Variants in DYNC2I2 observed in about 807,000 individuals in gnomAD.
The protein encoded by DYNC2I2 is dynein 2 intermediate chain 2, also known as cytoplasmic dynein 2 intermediate chain 2.
Under a neutral mutation model 52.0 loss-of-function variants are expected in DYNC2I2, and 39 were observed. The observed-to-expected ratio is 0.75, with a 90% CI of 0.58 to 0.98. The LOEUF is 0.98. Among genes scored for constraint, DYNC2I2 ranks in the 50% least tolerant of loss-of-function variants. The pLI is 0.00. For missense variants in DYNC2I2, 743 were observed against 728.4 expected (o/e 1.02, Z -0.23); for synonymous variants, 359 against 321.1 (o/e 1.12, Z -1.26).
chr9:128,680,660 A>G, the DYNC2I2 span, among the ~76,000 whole-genome samples: 1 of 150,038 alleles, frequency 6.7e-6, no homozygotes, highest in Admixed American at 6.7e-5. Context: ...TACAGGTGTG[A>G]GCCACCGTGC....
upstream of DYNC2I2, among the ~76,000 whole-genome samples, chr9:128,661,385 G>A (rs1274531160): frequency 3.3e-5 from 5 of 150,146 alleles, no homozygotes; most frequent in South Asian, 2.1e-4. Flanking sequence ...TTGGGAGGCC[G>A]AGGTGGGCAG....
At chr9:128,674,019 G>A in the DYNC2I2 span, among the ~76,000 whole-genome samples, 3 of 151,150 alleles carry the variant, frequency 2.0e-5, no homozygotes, top group South Asian at 6.3e-4. Flanking sequence ...TGTTGGTCAG[G>A]CTGGTCTCTA....
At chr9:128,664,698 T>A in the DYNC2I2 span, among the ~76,000 whole-genome samples, 1 of 151,872 alleles carries the variant, frequency 6.6e-6, no homozygotes, top group East Asian at 2.0e-4. Context: ...TTGGCCAGGC[T>A]GGTCACGAAC....
chr9:128,640,596 A>T, intron 2 of DYNC2I2, 95 bp downstream of exon 2: 1 of 1,527,922 alleles, frequency 6.5e-7, no homozygotes, highest in Non-Finnish European at 8.8e-7. Flanking sequence ...GGCCGTGATG[A>T]TGACTGGCAC....
intron 1 of DYNC2I2, among the ~76,000 whole-genome samples, chr9:128,649,688 CAAA>C (rs34154610): frequency 2.1e-5 from 1 of 47,234 alleles, no homozygotes; most frequent in African/African-American, 1.4e-4. Context: ...GACTCCATCT[CAAA>C]AAAAAAAAAA....
rs374918412 is a variant in DYNC2I2 at position 128,650,488 on chromosome 9, T to C, written c.186+6053A>G. On this transcript the variant is annotated intron_variant, in intron 1 of 8. Coordinates refer to ENST00000372715, the MANE Select transcript of DYNC2I2 (RefSeq NM_052844.4). ...CCAGGACACTGTCCCTCTAAACAGA[T>C]AGGGACGTGGCAAGAAAAGTCAAGT... Among the ~76,000 whole-genome samples, 5 of 50,922 alleles carry C rather than the reference T, an allele frequency of 9.8e-5. 2 individuals are homozygous for C. In the East Asian group the frequency reaches 1.2e-3, roughly 12 times the overall value. The allele number at this position is 50,922 out of a possible 152,430, so 33.4% of individuals were successfully genotyped here.
At chr9:128,636,527 C>T in intron 3 of DYNC2I2, 89 bp from the exon 4 acceptor site, 14 of 1,413,748 alleles carry the variant, frequency 9.9e-6, no homozygotes, top group Non-Finnish European at 1.3e-5. Context: ...CCCGGACACA[C>T]TCGCTGTGTC....
At position 128,640,846 on chromosome 9, in the gene DYNC2I2, G is replaced by T; in HGVS notation, c.280C>A (p.Pro94Thr). The change falls in exon 2 of 9, where the codon CCT (proline) becomes ACT (threonine). Residue 94 changes from proline (P) to threonine (T), a missense_variant. By Grantham distance (38) the Pro-to-Thr change is conservative (BLOSUM62 -1). Coordinates refer to ENST00000372715, the MANE Select transcript of DYNC2I2 (RefSeq NM_052844.4). The part of the protein sequence containing the change: ...DAQVQTEAPV[P>T]VSVQPPSQYD... ...TGGGACGGGGGCTGCACGCTGACAG[G>T]CACGGGGGCCTCCGTCTGCACCTGG... 6.2e-7 allele frequency: 1 copy of T among 1,613,916 alleles called. No individual in the cohort carries two copies.
the DYNC2I2 span, among the ~76,000 whole-genome samples, chr9:128,664,018 C>T: frequency 9.5e-5 from 13 of 137,338 alleles, no homozygotes; most frequent in Admixed American, 8.2e-4. Context: ...AGTGCAATGG[C>T]GTGGTCTTGG....
rs1564336475 is a variant in DYNC2I2 at position 128,633,895 on chromosome 9, C to CAGT, written c.1457_1459dup (p.Tyr486dup). On this transcript the variant is annotated inframe_insertion, in exon 9 of 9. Transcript: ENST00000372715. ...AGTCTGCTGGCTGTTGAACTCCAGA[C>CAGT]AGTAGACAGGGCTTTCATCCTGGGT... 1 of 1,613,438 alleles carries CAGT rather than the reference C, an allele frequency of 6.2e-7. No individual in the cohort carries two copies. The highest frequency in any genetic ancestry group is 8.5e-7 in the Non-Finnish European group (1 of 1,180,040).
At chr9:128,640,665 C>A in intron 2 of DYNC2I2, 26 bp downstream of exon 2, 4 of 1,603,922 alleles carry the variant, frequency 2.5e-6, no homozygotes, top group Admixed American at 1.7e-5. Context: ...GGGCTCGACC[C>A]GAGGCTGCAC....
the DYNC2I2 span, among the ~76,000 whole-genome samples, chr9:128,676,147 G>A: frequency 6.6e-6 from 1 of 151,872 alleles, no homozygotes; most frequent in East Asian, 1.9e-4. Flanking sequence ...CAGCCTGGAT[G>A]ATAAACCAAG....
chr9:128,680,513 G>A, the DYNC2I2 span, among the ~76,000 whole-genome samples: 2 of 151,764 alleles, frequency 1.3e-5, no homozygotes, highest in African/African-American at 2.4e-5. Flanking sequence ...GAGTAGCTGG[G>A]ACTACAGGCG....
rs1441974931 is a variant in DYNC2I2 at position 128,636,403 on chromosome 9, A to T, written c.581T>A (p.Phe194Tyr). The T allele has an allele frequency of 1.2e-6, 2 of 1,610,012 alleles. No homozygotes were observed. The highest frequency in any genetic ancestry group is 3.3e-5 in the Admixed American group (2 of 59,802). The change falls in exon 4 of 9, where the codon TTC (phenylalanine) becomes TAC (tyrosine). Residue 194 changes from phenylalanine to tyrosine, a missense_variant. Coordinates refer to ENST00000372715, the MANE Select transcript of DYNC2I2 (RefSeq NM_052844.4). ...CCGGTCCAGGTTCCAGGCACACACG[A>T]AGGACTTAAGCGTGCTCCAGTCCCC... The part of the protein sequence containing the change: ...DHGDWSTLKS[F>Y]VCAWNLDRRD...
chr9:128,636,098 C>T (rs1391151345), intron 4 of DYNC2I2, 183 bp downstream of exon 4: 2 of 979,852 alleles, frequency 2.0e-6, no homozygotes, highest in South Asian at 1.4e-5. Context: ...CTTCCAGACT[C>T]CTCCCCCGAG....
At chr9:128,681,943 G>A in the DYNC2I2 span, among the ~76,000 whole-genome samples, 11 of 152,182 alleles carry the variant, frequency 7.2e-5, no homozygotes, top group Admixed American at 5.9e-4. Flanking sequence ...CCTAGTGGCG[G>A]TGCCTGTAAC....
intron 1 of DYNC2I2, among the ~76,000 whole-genome samples, chr9:128,642,393 T>C (rs1409192744): frequency 1.4e-5 from 2 of 142,418 alleles, no homozygotes; most frequent in African/African-American, 5.3e-5. Flanking sequence ...GAGGCGGAGG[T>C]TGCACTGAGC....
intron 2 of DYNC2I2, 137 bp from the exon 3 acceptor site, chr9:128,637,164 T>G: frequency 1.6e-6 from 1 of 620,874 alleles, no homozygotes; most frequent in Non-Finnish European, 2.9e-6. Flanking sequence ...GAGGAAAATG[T>G]GGCACGTTCA....
rs750708075 is a variant in DYNC2I2, at chr9:128,636,410, TA to T, written c.573del (p.Lys192SerfsTer56). 3.1e-6 allele frequency: 5 copies of T among 1,609,234 alleles called. No individual in the cohort carries two copies. The highest frequency in any genetic ancestry group is 4.2e-6 in the Non-Finnish European group (5 of 1,178,932). The stretch of plus-strand genomic sequence containing the variant: ...AGGTTCCAGGCACACACGAAGGACT[TA>T]AGCGTGCTCCAGTCCCCATGGTCCA... ...GRLDHGDWST[L>X]KSFVCAWNLD... On this transcript the variant is annotated frameshift_variant, in exon 4 of 9. Coordinates refer to ENST00000372715, the MANE Select transcript of DYNC2I2 (RefSeq NM_052844.4). LOFTEE classifies it high-confidence loss of function.
Sources: gnomAD v4.1 joint callset for allele counts (sites outside exome capture counted in the v4.1 genomes callset) on GRCh38, gnomAD v4.1.1 for gene constraint, MANE v1.5 for transcripts, NCBI Gene and HGNC (gene_info 2026-07-23, HGNC 2026-07-21) for gene names.